Variants in ERG28 observed in about 807,000 individuals in gnomAD.
The protein encoded by ERG28 is ergosterol biosynthesis 28 homolog.
Under a neutral mutation model 15.7 loss-of-function variants are expected in ERG28, and 9 were observed. The observed-to-expected ratio is 0.57, with a 90% CI of 0.35 to 1.00. The LOEUF is 1.00. Among genes scored for constraint, ERG28 ranks in the 50% least tolerant of loss-of-function variants. The pLI, the probability that ERG28 is intolerant of heterozygous loss-of-function variation, is 0.02. For synonymous variants in ERG28, 61 were observed against 68.4 expected, an observed-to-expected ratio of 0.89 and a Z score of 0.53; for missense variants, 117 against 173.3, an observed-to-expected ratio of 0.68 and a Z score of 1.82.
rs528444553 is a variant in ERG28 at position 75,651,189 on chromosome 14, T to C, written c.*366A>G. On this transcript the variant is annotated 3_prime_UTR_variant, in exon 5 of 5. Coordinates refer to ENST00000256319, the MANE Select transcript of ERG28 (RefSeq NM_007176.4). ...GCAGGTTTAAGTTTCATAGTTCACATGTTCCCACCACACAAGTCAAATCAA... is the reference window on the plus strand; with the variant it reads ...GCAGGTTTAAGTTTCATAGTTCACACGTTCCCACCACACAAGTCAAATCAA... The C allele has an allele frequency of 5.7e-4, 102 of 180,364 alleles. 1 individual carries two copies. The highest frequency in any genetic ancestry group is 2.2e-3 in the African/African-American group (92 of 42,160). 11.2% of individuals were successfully genotyped at this position (180,364 alleles called of 1,614,324 possible).
At position 75,650,375 on chromosome 14, in the gene ERG28, TTC is replaced by T. The variant is rs1310587879; in HGVS notation, c.*1178_*1179del. On this transcript the variant is annotated 3_prime_UTR_variant, in exon 5 of 5. Coordinates refer to ENST00000256319, the MANE Select transcript of ERG28 (RefSeq NM_007176.4). ...CAGGGGCATTGCCTGTGTCGTTCAT[TTC>T]TCTTTCCCAAGTGTCCGGCATGGAG... The T allele has an allele frequency of 3.9e-5, 6 of 152,260 alleles. No individual in the cohort carries two copies. The highest frequency in any genetic ancestry group is 7.3e-5 in the Non-Finnish European group (5 of 68,060). 9.4% of individuals were successfully genotyped at this position (152,260 alleles called of 1,614,324 possible).
intron 3 of ERG28, among the ~76,000 whole-genome samples, chr14:75,652,397 T>C (rs1339037477): frequency 6.6e-6 from 1 of 152,194 alleles, no homozygotes; most frequent in Non-Finnish European, 1.5e-5. Flanking sequence ...GCAATATACG[T>C]TGGTTACTTT....
chr14:75,658,081 T>C (rs2140065717), intron 1 of ERG28, among the ~76,000 whole-genome samples: 1 of 152,320 alleles, frequency 6.6e-6, no homozygotes, highest in East Asian at 1.9e-4. Context: ...GAGCCCCTCT[T>C]GGCCTAGGGG....
intron 1 of ERG28, 82 bp from the exon 2 acceptor site, chr14:75,657,615 A>C: frequency 1.5e-6 from 2 of 1,347,342 alleles, no homozygotes; most frequent in East Asian, 4.7e-5. Context: ...AGAATGAAGC[A>C]GGCCAAAAAA....
chr14:75,659,541 G>C (rs1890648273), intron 1 of ERG28, among the ~76,000 whole-genome samples: 1 of 146,210 alleles, frequency 6.8e-6, no homozygotes, highest in South Asian at 2.2e-4. Flanking sequence ...TGGGATTACA[G>C]GTGTGAGCTA....
chr14:75,657,673 A>G (rs1890615908), intron 1 of ERG28, 140 bp from the exon 2 acceptor site: 3 of 701,272 alleles, frequency 4.3e-6, no homozygotes, highest in Non-Finnish European at 6.9e-6. Flanking sequence ...ATACTTTGCA[A>G]TAAGTGGCAC....
chr14:75,655,713 T>A (rs964086389), intron 2 of ERG28, among the ~76,000 whole-genome samples: 7 of 152,206 alleles, frequency 4.6e-5, no homozygotes, highest in Non-Finnish European at 1.0e-4. Context: ...TTACAAGGCC[T>A]GGGTACCAGA....
At chr14:75,659,517 C>T (rs1165857513) in intron 1 of ERG28, among the ~76,000 whole-genome samples, 1 of 150,760 alleles carries the variant, frequency 6.6e-6, no homozygotes, top group Admixed American at 6.6e-5. Context: ...ACCTTGGCCT[C>T]GCCTCCCAAA....
intron 2 of ERG28, among the ~76,000 whole-genome samples, chr14:75,656,309 CACACACACACACACAT>C (rs1216914801): frequency 1.3e-5 from 2 of 150,290 alleles, no homozygotes; most frequent in African/African-American, 2.5e-5. Context: ...CACACACACA[CACACACACACACACAT>C]AAAGTTCTGC....
intron 3 of ERG28, 80 bp from the exon 4 acceptor site, chr14:75,651,969 C>T (rs1890532516): frequency 8.2e-7 from 1 of 1,226,418 alleles, no homozygotes; most frequent in East Asian, 2.3e-5. Flanking sequence ...TTCATACAGA[C>T]AAATAAGAAC....
At position 75,651,237 on chromosome 14, in the gene ERG28, A is replaced by G; in HGVS notation, c.*318T>C. On this transcript the variant is annotated 3_prime_UTR_variant, in exon 5 of 5. Coordinates refer to ENST00000256319, the MANE Select transcript of ERG28 (RefSeq NM_007176.4). ...CAAGGCATGAAAATAAAAGGGAAAA[A>G]GGGGAAGGCTGGAAAAGGGAGCCTG... 10 of 215,204 alleles carry G rather than the reference A, an allele frequency of 4.6e-5. No individual in the cohort carries two copies. The highest frequency in any genetic ancestry group is 9.9e-5 in the East Asian group (1 of 10,124). 13.3% of individuals were successfully genotyped at this position (215,204 alleles called of 1,614,324 possible).
chr14:75,655,061 G>T, intron 2 of ERG28, 85 bp from the exon 3 acceptor site: 1 of 1,341,524 alleles, frequency 7.5e-7, no homozygotes, highest in Non-Finnish European at 1.1e-6. Context: ...GGTGGTTCAT[G>T]GGAGATAGGG....
intron 2 of ERG28, among the ~76,000 whole-genome samples, chr14:75,656,546 G>A (rs1216563790): frequency 6.6e-6 from 1 of 152,168 alleles, no homozygotes; most frequent in Admixed American, 6.5e-5. Context: ...TTCTTAAAAT[G>A]AGCCTTAGCC....
At position 75,654,963 on chromosome 14, in the gene ERG28, T is replaced by A. The variant is rs1890578625; in HGVS notation, c.147A>T (p.Gln49His). Reference sequence around the variant, plus strand: ...GCGTCCAGATCCCAAAGGTCCGAGCTTGGAGGCCATTCACTGTGTAGCAGA... The same window carrying A: ...GCGTCCAGATCCCAAAGGTCCGAGCATGGAGGCCATTCACTGTGTAGCAGA... ...TGKPNLVNGL[Q>H]ARTFGIWTLL... The change falls in exon 3 of 5, where the codon CAA becomes CAT. Residue 49 changes from glutamine to histidine, a missense_variant. Coordinates refer to ENST00000256319, the MANE Select transcript of ERG28 (RefSeq NM_007176.4). 4.3e-6 allele frequency: 7 copies of A among 1,613,986 alleles called. No individual in the cohort carries two copies. Among genetic ancestry groups the A allele is most frequent in the Non-Finnish European group, 5.1e-6 (6 of 1,179,872 alleles).
rs1226364871 is a variant in ERG28 at position 75,652,961 on chromosome 14, C to T, written c.225-1072G>A. On this transcript the variant is annotated intron_variant, in intron 3 of 4. Transcript: ENST00000256319. ...CCTCAGCCTCCTGGAGTAGCTGGGA[C>T]TACAGGTGCACACCACCACGCCCAG... Among the ~76,000 whole-genome samples, 25 of 151,512 alleles carry T rather than the reference C, an allele frequency of 1.7e-4. 1 individual carries two copies. Among genetic ancestry groups the T allele is most frequent in the Admixed American group, 1.6e-3 (25 of 15,214 alleles).
intron 1 of ERG28, among the ~76,000 whole-genome samples, chr14:75,659,096 G>A (rs895871505): frequency 3.3e-5 from 5 of 152,094 alleles, no homozygotes; most frequent in African/African-American, 7.2e-5. Context: ...GAGGTAAGCA[G>A]GCACTATTAA....
intron 3 of ERG28, among the ~76,000 whole-genome samples, chr14:75,654,337 T>C (rs1484237373): frequency 1.3e-5 from 2 of 152,212 alleles, no homozygotes; most frequent in African/African-American, 4.8e-5. Flanking sequence ...TGGCCAGCAC[T>C]GGTTATGGCT....
chr14:75,656,139 G>A (rs774920393), intron 2 of ERG28, among the ~76,000 whole-genome samples: 9 of 152,102 alleles, frequency 5.9e-5, no homozygotes, highest in Admixed American at 2.0e-4. Flanking sequence ...CTCTAGTTAA[G>A]AGTACTCAAC....
chr14:75,657,495 C>T lies in ERG28; in HGVS notation c.8G>A (p.Arg3His), dbSNP rs550209924. Residue 3 changes from arginine (R) to histidine (H), a missense_variant, in exon 2 of 5, where the codon CGT (arginine) becomes CAT (histidine). By Grantham distance (29) the Arg-to-His change is conservative (BLOSUM62 0). Transcript: ENST00000256319. MS[R>H]FLNVLRSWLV... ...CCAACTTCTTAACACATTCAGGAAA[C>T]GGCTCATGACTCCCCTCAAACGTGG... 15 of 1,613,692 alleles carry T rather than the reference C, an allele frequency of 9.3e-6. No individual in the cohort carries two copies. Among genetic ancestry groups the T allele is most frequent in the East Asian group, 2.2e-5 (1 of 44,900 alleles).
Sources: gnomAD v4.1 joint callset for allele counts (sites outside exome capture counted in the v4.1 genomes callset) on GRCh38, gnomAD v4.1.1 for gene constraint, MANE v1.5 for transcripts, NCBI Gene and HGNC (gene_info 2026-07-23, HGNC 2026-07-21) for gene names.